Variants in RALGAPA1 observed in about 807,000 individuals in gnomAD.
RALGAPA1 encodes ral GTPase-activating protein subunit alpha-1.
RALGAPA1 carries 52 observed loss-of-function variants against 269.6 expected under a neutral mutation model. The observed-to-expected ratio is 0.19, with a 90% CI of 0.15 to 0.24. RALGAPA1 has a LOEUF of 0.24. Ranked by LOEUF, RALGAPA1 falls within the 10% of genes least tolerant of loss-of-function variation. RALGAPA1 has a pLI of 1.00. For missense variants in RALGAPA1, 1,917 were observed against 3,013.9 expected, an observed-to-expected ratio of 0.64 and a Z score of 8.52; for synonymous variants, 817 against 1,008.3, an observed-to-expected ratio of 0.81 and a Z score of 3.60.
intron 17 of RALGAPA1, among the ~76,000 whole-genome samples, chr14:35,697,654 T>G (rs2067006778): frequency 6.6e-6 from 1 of 151,726 alleles, no homozygotes; most frequent in African/African-American, 2.4e-5. Context: ...GCCAACAGTT[T>G]TGTTTTTTTT....
At chr14:35,584,386 T>A (rs1013655534) in intron 37 of RALGAPA1, among the ~76,000 whole-genome samples, 2 of 152,054 alleles carry the variant, frequency 1.3e-5, no homozygotes, top group Non-Finnish European at 2.9e-5. Context: ...CACCTCAGCC[T>A]CCCAAGTCGC....
intron 1 of RALGAPA1, among the ~76,000 whole-genome samples, chr14:35,788,429 T>C (rs1487038784): frequency 6.6e-6 from 1 of 152,202 alleles, no homozygotes; most frequent in Non-Finnish European, 1.5e-5. Flanking sequence ...TCATTCATAT[T>C]TGAGGTGTTA....
At chr14:35,717,384 A>T (rs1052754326) in intron 16 of RALGAPA1, among the ~76,000 whole-genome samples, 1 of 152,132 alleles carries the variant, frequency 6.6e-6, no homozygotes, top group African/African-American at 2.4e-5. Flanking sequence ...ACCTGACCTC[A>T]GGTGATCCGC....
intron 12 of RALGAPA1, among the ~76,000 whole-genome samples, chr14:35,733,765 T>C (rs973151945): frequency 6.6e-6 from 1 of 151,626 alleles, no homozygotes; most frequent in Non-Finnish European, 1.5e-5. Flanking sequence ...ATACAAAAGA[T>C]AAATGAAAGA....
At chr14:35,620,038 C>G (rs1048156490) in intron 35 of RALGAPA1, among the ~76,000 whole-genome samples, 1 of 152,168 alleles carries the variant, frequency 6.6e-6, no homozygotes, top group Non-Finnish European at 1.5e-5. Context: ...CAACATCATC[C>G]TGATATCAAA....
chr14:35,606,781 A>G (rs2059623968), intron 35 of RALGAPA1, among the ~76,000 whole-genome samples: 3 of 151,974 alleles, frequency 2.0e-5, no homozygotes. Flanking sequence ...CCCTGCAACA[A>G]CAAGTAAATA....
In RALGAPA1 at chr14:35,750,608, C is replaced by T; in HGVS notation, c.885G>A (p.Lys295=). ...AETNEAIYCT[K]EPFIKARVIV... ...TAACACGAGCCTTAATGAAAGGCTC[C>T]TTTGTACAATAGATTGCTTCATTGG... Residue 295 remains lysine, a synonymous_variant, in exon 9 of 42, where the codon AAG becomes AAA. Coordinates refer to ENST00000680220, the MANE Select transcript of RALGAPA1 (RefSeq NM_001346249.2). 6.2e-7 allele frequency: 1 copy of T among 1,613,182 alleles called. No homozygotes were observed. The highest frequency in any genetic ancestry group is 2.2e-5 in the East Asian group (1 of 44,828).
chr14:35,673,393 A>G (rs114168312), intron 24 of RALGAPA1, among the ~76,000 whole-genome samples: 6,240 of 152,082 alleles, frequency 0.041, 372 homozygotes, highest in African/African-American at 0.12. Context: ...CTGTCTTTAC[A>G]AAAAAATAAA....
chr14:35,641,024 T>C (rs748126909), intron 31 of RALGAPA1, among the ~76,000 whole-genome samples: 3 of 152,050 alleles, frequency 2.0e-5, no homozygotes, highest in Non-Finnish European at 4.4e-5. Context: ...TCTGATGAAA[T>C]TCAACATCCC....
At chr14:35,633,962 TCTTA>T (rs1313317656) in intron 33 of RALGAPA1, among the ~76,000 whole-genome samples, 29 of 152,272 alleles carry the variant, frequency 1.9e-4, no homozygotes, top group African/African-American at 6.5e-4. Flanking sequence ...ACATATATTA[TCTTA>T]CTTAGTACTT....
At chr14:35,714,485 CCTTAT>C (rs1567068396) in intron 16 of RALGAPA1, among the ~76,000 whole-genome samples, 1 of 152,032 alleles carries the variant, frequency 6.6e-6, no homozygotes, top group Non-Finnish European at 1.5e-5. Flanking sequence ...TGTCTTTTTA[CCTTAT>C]ATTTTTAAAG....
chr14:35,646,158 T>C (rs1217260255), intron 31 of RALGAPA1, among the ~76,000 whole-genome samples: 1 of 152,216 alleles, frequency 6.6e-6, no homozygotes, highest in Non-Finnish European at 1.5e-5. Flanking sequence ...GAAATCATCA[T>C]TTGGCAGCTA....
At chr14:35,623,018 A>T (rs74972626) in intron 35 of RALGAPA1, among the ~76,000 whole-genome samples, 6,085 of 150,720 alleles carry the variant, frequency 0.04, 343 homozygotes, top group African/African-American at 0.12. Flanking sequence ...GGAGGTAGAG[A>T]CTGCAGTGAG....
chr14:35,572,842 T>G, intron 37 of RALGAPA1, 124 bp from the exon 38 acceptor site: 1 of 594,294 alleles, frequency 1.7e-6, no homozygotes, highest in Non-Finnish European at 2.7e-6. Flanking sequence ...CTTGATCAGT[T>G]TTACATATGA....
In RALGAPA1 at chr14:35,709,802, G is replaced by A. The variant is rs140408243; in HGVS notation, c.2267-9500C>T. Among the ~76,000 whole-genome samples, 806 of 152,168 alleles carry A rather than the reference G, an allele frequency of 5.3e-3. 2 individuals carry two copies. Among genetic ancestry groups the A allele is most frequent in the Non-Finnish European group, 8.4e-3 (573 of 67,996 alleles). ...ATCTTGAAACATCTTTGAACTGTGC[G>A]TTATTTAGAAGTGTGTCGTTTAATC... On this transcript the variant is annotated intron_variant, in intron 16 of 41. Transcript: ENST00000680220.
intron 26 of RALGAPA1, among the ~76,000 whole-genome samples, chr14:35,669,582 GAC>G (rs773952694): frequency 1.3e-5 from 2 of 152,076 alleles, no homozygotes; most frequent in Non-Finnish European, 1.5e-5. Context: ...AAGAAACTGA[GAC>G]ACAGAGACAT....
chr14:35,769,282 C>T (rs566417660), intron 4 of RALGAPA1, among the ~76,000 whole-genome samples: 16 of 151,712 alleles, frequency 1.1e-4, no homozygotes, highest in African/African-American at 3.1e-4. Flanking sequence ...AAATCATGTC[C>T]GGTGCAGCAA....
chr14:35,639,354 T>C (rs1013786412), intron 31 of RALGAPA1, among the ~76,000 whole-genome samples: 1 of 152,224 alleles, frequency 6.6e-6, no homozygotes, highest in African/African-American at 2.4e-5. Flanking sequence ...CACCACACTT[T>C]CAGCATTGGA....
intron 35 of RALGAPA1, 106 bp downstream of exon 35, chr14:35,625,255 T>A: frequency 5.4e-6 from 3 of 555,332 alleles, no homozygotes; most frequent in Non-Finnish European, 5.5e-6. Flanking sequence ...AAGTTATAAA[T>A]CAATAACACA....
Sources: gnomAD v4.1 joint callset for allele counts (sites outside exome capture counted in the v4.1 genomes callset) on GRCh38, gnomAD v4.1.1 for gene constraint, MANE v1.5 for transcripts, NCBI Gene and HGNC (gene_info 2026-07-23, HGNC 2026-07-21) for gene names.